Variants in RBP4 observed in about 807,000 individuals in gnomAD.
The protein encoded by RBP4 is retinol-binding protein 4.
RBP4 carries 9 observed loss-of-function variants against 26.2 expected under a neutral mutation model. The ratio of observed to expected loss-of-function variants is 0.34; its 90% CI spans 0.21 to 0.60. The LOEUF (loss-of-function observed/expected upper bound fraction) is 0.60. RBP4 is among the 20% of genes least tolerant of loss of function. The pLI, the probability that RBP4 is intolerant of heterozygous loss-of-function variation, is 0.80. For synonymous variants in RBP4, 114 were observed against 111.0 expected, an observed-to-expected ratio of 1.03 and a Z score of -0.17; for missense variants, 244 against 271.3, an observed-to-expected ratio of 0.90 and a Z score of 0.71.
At chr10:93,592,836 G>C (rs904197970) in intron 5 of RBP4, among the ~76,000 whole-genome samples, 1 of 149,194 alleles carries the variant, frequency 6.7e-6, no homozygotes, top group African/African-American at 2.5e-5. Flanking sequence ...TTATTTTTTT[G>C]AGGCAGAATC....
upstream of RBP4, chr10:93,601,274 G>C (rs951456597): frequency 2.5e-6 from 3 of 1,216,874 alleles, no homozygotes; most frequent in African/African-American, 1.6e-5. Context: ...ATAGCGCCGG[G>C]GGGAGGGGGT....
upstream of RBP4, chr10:93,601,586 GT>G (rs2058340008): frequency 1.4e-6 from 1 of 706,466 alleles, no homozygotes; most frequent in Non-Finnish European, 2.6e-6. Flanking sequence ...CGGGAAGACC[GT>G]GGCCTCACAG....
chr10:93,592,184 G>A, intron 5 of RBP4, 72 bp from the exon 6 acceptor site: 1 of 1,283,720 alleles, frequency 7.8e-7, no homozygotes, highest in Non-Finnish European at 1.1e-6. Context: ...TGAACATCAT[G>A]ATGGCCTTAG....
chr10:93,593,752 G>T, intron 5 of RBP4, 71 bp downstream of exon 5: 1 of 1,504,400 alleles, frequency 6.6e-7, no homozygotes, highest in Non-Finnish European at 9.2e-7. Flanking sequence ...AATTTCACTA[G>T]CACGTGGGCC....
At chr10:93,592,873 A>C (rs1276359551) in intron 5 of RBP4, among the ~76,000 whole-genome samples, 1 of 152,078 alleles carries the variant, frequency 6.6e-6, no homozygotes, top group Non-Finnish European at 1.5e-5. Flanking sequence ...GCTGGAATGC[A>C]GTGGTGCAAC....
intron 2 of RBP4, 46 bp downstream of exon 2, chr10:93,600,872 T>TGGGGTGGGGGGGTTG: frequency 1.9e-6 from 1 of 533,668 alleles, no homozygotes; most frequent in Non-Finnish European, 3.3e-6. Flanking sequence ...AGGGCGGGGA[T>TGGGGTGGGGGGGTTG]GGGGTGGGGA....
Position 93,592,680 on chromosome 10 carries a change from G to A in RBP4, c.569-568C>T, listed in dbSNP as rs1260959627. Among the ~76,000 whole-genome samples the A allele has an allele frequency of 2.0e-5, 3 of 152,146 alleles. No homozygotes were observed. In the East Asian group the frequency reaches 5.8e-4, roughly 29 times the overall value. ...CTGCTTCCTACGGTGCCCTGCTGTG[G>A]TGGAATCCTTGCTGGCCCTACATTT... On this transcript the variant is annotated intron_variant, in intron 5 of 5. Coordinates refer to ENST00000371464, the MANE Select transcript of RBP4 (RefSeq NM_006744.4).
chr10:93,600,782 T>G lies in RBP4; in HGVS notation c.133A>C (p.Met45Leu), dbSNP rs1163778506. 6.8e-7 allele frequency: 1 copy of G among 1,464,132 alleles called. No homozygotes were observed. Among genetic ancestry groups the G allele is most frequent in the Admixed American group, 1.8e-5 (1 of 54,134 alleles). 90.7% of individuals were successfully genotyped at this position (1,464,132 alleles called of 1,614,324 possible). ...AGGCCCTCGGGGTCCTTCTTGGCCATGGCGTACCAGGTCCCAGAGAACTGT... is the reference window on the plus strand; with the variant it reads ...AGGCCCTCGGGGTCCTTCTTGGCCAGGGCGTACCAGGTCCCAGAGAACTGT... ...KARFSGTWYA[M>L]AKKDPEGLFL... Residue 45 changes from methionine (M) to leucine (L), a missense_variant, in exon 3 of 6, where the codon ATG becomes CTG. By Grantham distance (15) the Met-to-Leu change is conservative. Coordinates refer to ENST00000371464, the MANE Select transcript of RBP4 (RefSeq NM_006744.4).
At chr10:93,597,830 C>A (rs112385876) in intron 4 of RBP4, among the ~76,000 whole-genome samples, 1,633 of 152,236 alleles carry the variant, frequency 0.011, 35 homozygotes, top group African/African-American at 0.038. Flanking sequence ...GGATGCAGCC[C>A]ACTCTTGGAG....
chr10:93,597,880 A>G (rs909713134), intron 4 of RBP4, among the ~76,000 whole-genome samples: 25 of 152,142 alleles, frequency 1.6e-4, no homozygotes, highest in Admixed American at 1.4e-3. Context: ...TGTTTAAAGC[A>G]AGACCATGGT....
upstream of RBP4, chr10:93,601,623 C>T (rs540062466): frequency 1.6e-5 from 12 of 768,926 alleles, no homozygotes; most frequent in South Asian, 1.7e-4. Context: ...GCGAGGCTCC[C>T]TGGTGCGTGA....
chr10:93,594,159 A>C (rs1318251797), intron 4 of RBP4, 124 bp from the exon 5 acceptor site: 11 of 922,236 alleles, frequency 1.2e-5, no homozygotes, highest in Non-Finnish European at 1.9e-5. Context: ...TTCTTTAGGA[A>C]GCAGGACACT....
At chr10:93,599,400 C>A (rs2134573895) in intron 4 of RBP4, among the ~76,000 whole-genome samples, 1 of 152,308 alleles carries the variant, frequency 6.6e-6, no homozygotes, top group South Asian at 2.1e-4. Context: ...TACCCTGGAT[C>A]ACCGAGCAGA....
rs2058267060 is a variant in RBP4, at chr10:93,591,713, A to C, written c.*362T>G. The C allele has an allele frequency of 4.5e-6, 1 of 220,834 alleles. No individual in the cohort carries two copies. The highest frequency in any genetic ancestry group is 2.3e-5 in the African/African-American group (1 of 43,396). 13.7% of individuals were successfully genotyped at this position (220,834 alleles called of 1,614,324 possible). ...AGGAAGTTGGGAGAAGCCAGTATTT[A>C]ATAATGGAGATTAGGCACTAGAACA... On this transcript the variant is annotated 3_prime_UTR_variant, in exon 6 of 6. Transcript: ENST00000371464.
chr10:93,597,625 G>C (rs74150280), intron 4 of RBP4, among the ~76,000 whole-genome samples: 4,033 of 152,282 alleles, frequency 0.026, 186 homozygotes, highest in African/African-American at 0.092. Context: ...GCATGCCCAA[G>C]GCTGGAGCAG....
intron 4 of RBP4, among the ~76,000 whole-genome samples, chr10:93,600,027 G>T (rs185714192): frequency 1.1e-3 from 170 of 152,296 alleles, no homozygotes; most frequent in Non-Finnish European, 1.8e-3. Context: ...GCTGTCTCAG[G>T]GATTCAGCCC....
rs2058268301 is a variant in RBP4, at chr10:93,591,867, A to C, written c.*208T>G. The stretch of plus-strand genomic sequence containing the variant: ...GACACGGGTGACTATAGTTTAATGA[A>C]TCAGAGTCTGGAATCTTAAGCCCCA... On this transcript the variant is annotated 3_prime_UTR_variant, in exon 6 of 6. Coordinates refer to ENST00000371464, the MANE Select transcript of RBP4 (RefSeq NM_006744.4). 2.4e-5 allele frequency: 14 copies of C among 591,522 alleles called. No individual in the cohort carries two copies. The South Asian group carries it at 2.8e-4, about 12-fold the overall frequency. The allele number at this position is 591,522 out of a possible 1,614,324, so 36.6% of individuals were successfully genotyped here. A position where few individuals can be genotyped will look rare whatever the true frequency, so the allele number is the denominator to read the frequency against.
Position 93,594,021 on chromosome 10 carries a change from T to G in RBP4, c.370A>C (p.Ile124Leu). Residue 124 changes from isoleucine (I) to leucine (L), a missense_variant, in exon 5 of 6, where the codon ATC becomes CTC. By Grantham distance (5) the Ile-to-Leu change is conservative (BLOSUM62 2). Coordinates refer to ENST00000371464, the MANE Select transcript of RBP4 (RefSeq NM_006744.4). Reference protein sequence around the residue: ...FLQKGNDDHWIVDTDYDTYAV... With the variant: ...FLQKGNDDHWLVDTDYDTYAV... ...TACGTGTCGTAGTCTGTGTCGACGA[T>G]CCAGTGGTCATCATCTGCAAGCCAG... 6.2e-7 allele frequency: 1 copy of G among 1,613,580 alleles called. No homozygotes were observed. The highest frequency in any genetic ancestry group is 8.5e-7 in the Non-Finnish European group (1 of 1,180,012).
intron 4 of RBP4, among the ~76,000 whole-genome samples, chr10:93,596,433 G>A (rs2058303438): frequency 6.6e-6 from 1 of 152,184 alleles, no homozygotes; most frequent in Non-Finnish European, 1.5e-5. Context: ...GTATTTGCAA[G>A]AGATGAACTG....
Sources: allele counts gnomAD v4.1 joint callset (sites outside exome capture counted in the v4.1 genomes callset), GRCh38; gene constraint gnomAD v4.1.1; transcripts MANE v1.5; gene names NCBI Gene and HGNC (gene_info 2026-07-23, HGNC 2026-07-21).